NAALADL2: variants seen among roughly 807,000 people sequenced by gnomAD.
The protein encoded by NAALADL2 is inactive N-acetylated-alpha-linked acidic dipeptidase-like protein 2.
A neutral mutation model predicts 87.2 loss-of-function variants in NAALADL2; 76 were observed. That is an observed-to-expected ratio of 0.87 (90% CI 0.72 to 1.05). The LOEUF is 1.05. Ranked by LOEUF, NAALADL2 falls within the 50% of genes least tolerant of loss-of-function variation. The pLI, the probability that NAALADL2 is intolerant of heterozygous loss-of-function variation, is 0.00. For synonymous variants in NAALADL2, 354 were observed against 331.0 expected (o/e 1.07, Z -0.75); for missense variants, 1,089 against 945.8 (o/e 1.15, Z -1.99).
At chr3:174,534,167 A>G (rs895069246) in intron 1 of NAALADL2, among the ~76,000 whole-genome samples, 1 of 152,224 alleles carries the variant, frequency 6.6e-6, no homozygotes, top group African/African-American at 2.4e-5. Flanking sequence ...TGTACATACT[A>G]CACAATATTT....
intron 5 of NAALADL2, among the ~76,000 whole-genome samples, chr3:175,394,209 A>G (rs1183424422): frequency 6.6e-6 from 1 of 152,222 alleles, no homozygotes; most frequent in Admixed American, 6.5e-5. Flanking sequence ...AACAGACCAA[A>G]TGAAATCAAT....
chr3:175,430,357 A>G (rs1013706467), intron 5 of NAALADL2, among the ~76,000 whole-genome samples: 3 of 151,950 alleles, frequency 2.0e-5, no homozygotes, highest in Non-Finnish European at 4.4e-5. Context: ...GTTAATTTGG[A>G]AACTTGAAAG....
At chr3:174,518,583 A>T (rs1052307999) in intron 1 of NAALADL2, among the ~76,000 whole-genome samples, 1 of 152,138 alleles carries the variant, frequency 6.6e-6, no homozygotes, top group Non-Finnish European at 1.5e-5. Flanking sequence ...TAACCTCAGA[A>T]TAAAATTTAA....
chr3:175,556,397 T>C (rs570288171), intron 9 of NAALADL2, among the ~76,000 whole-genome samples: 1 of 152,230 alleles, frequency 6.6e-6, no homozygotes, highest in African/African-American at 2.4e-5. Context: ...TACCTCAGAA[T>C]ACTATAAAAA....
chr3:175,566,088 C>A (rs1717105783), intron 9 of NAALADL2, among the ~76,000 whole-genome samples: 1 of 152,022 alleles, frequency 6.6e-6, no homozygotes, highest in East Asian at 1.9e-4. Flanking sequence ...CGTCGGCCTC[C>A]CAGAGTGCTG....
At chr3:175,709,326 C>T (rs576177242) in intron 11 of NAALADL2, among the ~76,000 whole-genome samples, 7 of 152,046 alleles carry the variant, frequency 4.6e-5, no homozygotes, top group Non-Finnish European at 1.0e-4. Flanking sequence ...CTGTTTTATA[C>T]TCTTTACATA....
chr3:175,384,454 A>C (rs2148995972), intron 5 of NAALADL2, among the ~76,000 whole-genome samples: 1 of 152,184 alleles, frequency 6.6e-6, no homozygotes, highest in South Asian at 2.1e-4. Flanking sequence ...GTCTTGACAA[A>C]TAATACTTTC....
intron 13 of NAALADL2, among the ~76,000 whole-genome samples, chr3:175,783,877 A>T (rs1461653049): frequency 6.9e-6 from 1 of 144,276 alleles, no homozygotes; most frequent in African/African-American, 2.9e-5. Flanking sequence ...AATACATCCC[A>T]TCGATACCTA....
chr3:175,039,401 C>T (rs1473869108), intron 1 of NAALADL2, among the ~76,000 whole-genome samples: 1 of 152,132 alleles, frequency 6.6e-6, no homozygotes, highest in Non-Finnish European at 1.5e-5. Context: ...CTCCTGACCT[C>T]AGAGCTATTA....
intron 1 of NAALADL2, among the ~76,000 whole-genome samples, chr3:175,045,253 C>T (rs1256811913): frequency 1.3e-5 from 2 of 152,148 alleles, no homozygotes; most frequent in Non-Finnish European, 2.9e-5. Flanking sequence ...TCTCCGTGGA[C>T]ACTCCACCCG....
chr3:175,430,534 T>A (rs16825693), intron 5 of NAALADL2, among the ~76,000 whole-genome samples: 3,097 of 152,116 alleles, frequency 0.02, 109 homozygotes, highest in African/African-American at 0.07. Flanking sequence ...CTCTAGTTTG[T>A]CTTCCAGCTA....
chr3:174,646,937 A>G (rs551106066), intron 2 of NAALADL2, among the ~76,000 whole-genome samples: 6 of 152,122 alleles, frequency 3.9e-5, no homozygotes, highest in South Asian at 2.1e-4. Flanking sequence ...CTCTGCTTGC[A>G]TTTCAGTATT....
At chr3:174,670,507 C>A (rs771058239) in intron 2 of NAALADL2, among the ~76,000 whole-genome samples, 6 of 151,578 alleles carry the variant, frequency 4.0e-5, no homozygotes, top group African/African-American at 7.3e-5. Flanking sequence ...CTTCCCAGAC[C>A]CAATAATCAA....
intron 2 of NAALADL2, among the ~76,000 whole-genome samples, chr3:175,188,251 T>A (rs1674238029): frequency 1.3e-5 from 2 of 152,206 alleles, no homozygotes; most frequent in Non-Finnish European, 1.5e-5. Context: ...AAATACTATA[T>A]AGATCTTAAA....
At chr3:174,668,322 CTTGA>C (rs1454249282) in intron 2 of NAALADL2, among the ~76,000 whole-genome samples, 3 of 152,006 alleles carry the variant, frequency 2.0e-5, no homozygotes, top group Admixed American at 1.3e-4. Flanking sequence ...CTTTCACTCC[CTTGA>C]TTATGTCCTT....
intron 10 of NAALADL2, among the ~76,000 whole-genome samples, chr3:175,587,615 A>T (rs1174152312): frequency 6.6e-6 from 1 of 152,138 alleles, no homozygotes; most frequent in Middle Eastern, 3.2e-3. Context: ...CCTATTTAAC[A>T]TGATTGGGAA....
intron 11 of NAALADL2, among the ~76,000 whole-genome samples, chr3:175,662,636 C>T (rs1379996828): frequency 6.6e-6 from 1 of 151,338 alleles, no homozygotes; most frequent in African/African-American, 2.4e-5. Context: ...TTGTCACATA[C>T]AGCCTTTACC....
intron 1 of NAALADL2, among the ~76,000 whole-genome samples, chr3:174,447,769 C>T (rs565115834): frequency 6.6e-6 from 1 of 151,100 alleles, no homozygotes; most frequent in Non-Finnish European, 1.5e-5. Context: ...GAGCCGAGAT[C>T]ACACCACTGC....
intron 3 of NAALADL2, among the ~76,000 whole-genome samples, chr3:174,760,182 G>A (rs973402149): frequency 3.4e-4 from 52 of 152,222 alleles, no homozygotes; most frequent in African/African-American, 1.2e-3. Flanking sequence ...AAGAGCCACA[G>A]TAGGTACCCA....
Sources: gnomAD v4.1 joint callset for allele counts (sites outside exome capture counted in the v4.1 genomes callset) on GRCh38, gnomAD v4.1.1 for gene constraint, MANE v1.5 for transcripts, NCBI Gene and HGNC (gene_info 2026-07-23, HGNC 2026-07-21) for gene names.